Variants in PRDM6 observed in about 807,000 individuals in gnomAD.
The protein encoded by PRDM6 is PR/SET domain 6, also known as putative histone-lysine N-methyltransferase PRDM6.
PRDM6 carries 25 observed loss-of-function variants against 60.8 expected under a neutral mutation model. The observed-to-expected ratio is 0.41, with a 90% CI of 0.30 to 0.57. The LOEUF (loss-of-function observed/expected upper bound fraction) is 0.57. PRDM6 is among the 20% of genes least tolerant of loss of function. The pLI is 0.27. For synonymous variants in PRDM6, 407 were observed against 357.4 expected (o/e 1.14, Z -1.57); for missense variants, 839 against 821.3 (o/e 1.02, Z -0.26).
chr5:123,094,934 C>T (rs186521531), intron 2 of PRDM6, among the ~76,000 whole-genome samples: 1 of 152,354 alleles, frequency 6.6e-6, no homozygotes, highest in African/African-American at 2.4e-5. Flanking sequence ...CTTTTTGTCT[C>T]TCCCTCTTGG....
chr5:123,141,430 T>C (rs1444326268), intron 3 of PRDM6, among the ~76,000 whole-genome samples: 1 of 152,050 alleles, frequency 6.6e-6, no homozygotes, highest in Non-Finnish European at 1.5e-5. Flanking sequence ...ATCACTGAGC[T>C]ACAGAAAAAA....
chr5:123,157,105 AC>A (rs1765520459), intron 4 of PRDM6, among the ~76,000 whole-genome samples: 1 of 146,012 alleles, frequency 6.8e-6, no homozygotes, highest in African/African-American at 2.6e-5. Flanking sequence ...TTTCTTTTTA[AC>A]TTTCTTCCCC....
chr5:123,112,228 TG>T lies in PRDM6; in HGVS notation c.900+12268del, dbSNP rs750882377. ...GGCCTGGGTTCTAGCTCTCACTGGG[TG>T]TGAGCTATGTGACCACCTGCAGCAC... On this transcript the variant is annotated intron_variant, in intron 3 of 7. Coordinates refer to ENST00000407847, the MANE Select transcript of PRDM6 (RefSeq NM_001136239.4). Among the ~76,000 whole-genome samples the T allele has an allele frequency of 2.3e-4, 35 of 152,102 alleles. No homozygotes were observed. In the Middle Eastern group the frequency reaches 0.014, roughly 59 times the overall value.
intron 7 of PRDM6, 36 bp downstream of exon 7, chr5:123,180,359 T>C (rs1158931936): frequency 6.6e-7 from 1 of 1,516,074 alleles, no homozygotes; most frequent in Admixed American, 2.0e-5. Context: ...TCTCTTTCTC[T>C]TAGCCTTTCC....
At chr5:123,120,347 T>G (rs956191780) in intron 3 of PRDM6, among the ~76,000 whole-genome samples, 4 of 152,212 alleles carry the variant, frequency 2.6e-5, no homozygotes, top group African/African-American at 9.6e-5. Flanking sequence ...TGTTTGGTTG[T>G]TGAGTGGAAA....
chr5:123,136,927 C>T (rs568633674), intron 3 of PRDM6, among the ~76,000 whole-genome samples: 1 of 152,192 alleles, frequency 6.6e-6, no homozygotes, highest in Non-Finnish European at 1.5e-5. Context: ...TGGCAACAAC[C>T]CACACTCTGC....
chr5:123,148,194 A>G (rs1276276911), intron 3 of PRDM6, among the ~76,000 whole-genome samples: 1 of 152,226 alleles, frequency 6.6e-6, no homozygotes, highest in East Asian at 1.9e-4. Flanking sequence ...ATGATTTTCT[A>G]ATATTTCTGG....
At chr5:123,132,937 T>C (rs1325281818) in intron 3 of PRDM6, among the ~76,000 whole-genome samples, 1 of 152,156 alleles carries the variant, frequency 6.6e-6, no homozygotes, top group Non-Finnish European at 1.5e-5. Flanking sequence ...CTTTAACAAA[T>C]ATTATCATGA....
chr5:123,095,164 G>T (rs1165111691), intron 2 of PRDM6, among the ~76,000 whole-genome samples: 1 of 152,236 alleles, frequency 6.6e-6, no homozygotes, highest in Non-Finnish European at 1.5e-5. Flanking sequence ...CCCGGGGCTT[G>T]GAAGACCCCT....
intron 2 of PRDM6, among the ~76,000 whole-genome samples, chr5:123,096,895 G>A (rs1561799446): frequency 6.6e-6 from 1 of 152,170 alleles, no homozygotes; most frequent in Non-Finnish European, 1.5e-5. Flanking sequence ...GTAGTGGCTG[G>A]AGTTGGTACC....
At position 123,090,526 on chromosome 5, in the gene PRDM6, A is replaced by C; in HGVS notation, c.512A>C (p.Glu171Ala). Residue 171 changes from glutamate to alanine, a missense_variant, in exon 2 of 8, where the codon GAG (glutamate) becomes GCG (alanine). Coordinates refer to ENST00000407847, the MANE Select transcript of PRDM6 (RefSeq NM_001136239.4). ...GCCCCGCGCTTCCGCTGCAGCGCAGAGGAGCTGGACTATTACCTGTATGGC... is the reference window on the plus strand; with the variant it reads ...GCCCCGCGCTTCCGCTGCAGCGCAGCGGAGCTGGACTATTACCTGTATGGC... ...RGAPRFRCSA[E>A]ELDYYLYGQQ... is the part of the protein sequence containing the mutation. 6.6e-7 allele frequency: 1 copy of C among 1,505,550 alleles called. No individual in the cohort carries two copies. The allele number at this position is 1,505,550 out of a possible 1,614,324, so 93.3% of individuals were successfully genotyped here. A position where few individuals can be genotyped will look rare whatever the true frequency, so the allele number is the denominator to read the frequency against.
At chr5:123,151,079 G>T (rs191498956) in intron 3 of PRDM6, among the ~76,000 whole-genome samples, 1 of 152,198 alleles carries the variant, frequency 6.6e-6, no homozygotes, top group Admixed American at 6.5e-5. Context: ...GCATGCATTG[G>T]GTTCCTTCTA....
rs773815834 is a variant in PRDM6, at chr5:123,189,653, ATATT to A, written c.*2453_*2456del. ...TTATTAAGAGAAATTGTTGGCATAT[ATATT>A]CCACCAAATTTGGTCAGAAAATATT... On this transcript the variant is annotated 3_prime_UTR_variant, in exon 8 of 8. Transcript: ENST00000407847. 6 of 152,218 alleles carry A rather than the reference ATATT, an allele frequency of 3.9e-5. No individual in the cohort carries two copies. The highest frequency in any genetic ancestry group is 5.9e-5 in the Non-Finnish European group (4 of 68,032). 9.4% of individuals were successfully genotyped at this position (152,218 alleles called of 1,614,324 possible).
chr5:123,169,063 A>C (rs1327999152), intron 5 of PRDM6, among the ~76,000 whole-genome samples: 1 of 152,256 alleles, frequency 6.6e-6, no homozygotes, highest in Non-Finnish European at 1.5e-5. Flanking sequence ...ACTGGTGGCC[A>C]GTGGCCATAG....
rs748939514 is a variant in PRDM6, at chr5:123,114,007, A to T, written c.900+14046A>T. 2.0e-5 allele frequency among the ~76,000 whole-genome samples: 3 copies of T among 152,232 alleles called. 1 individual carries two copies. Among genetic ancestry groups the T allele is most frequent in the Non-Finnish European group, 4.4e-5 (3 of 68,044 alleles). On this transcript the variant is annotated intron_variant, in intron 3 of 7. Coordinates refer to ENST00000407847, the MANE Select transcript of PRDM6 (RefSeq NM_001136239.4). ...CAACTCTGGCTTTCAAAGATAGTAA[A>T]GTAGTAGAGGATCATGAGTAACTCC... is the stretch of plus-strand genomic sequence containing the variant.
At chr5:123,156,131 CA>C (rs892102437) in intron 4 of PRDM6, 120 bp downstream of exon 4, 3 of 966,810 alleles carry the variant, frequency 3.1e-6, no homozygotes, top group Non-Finnish European at 2.9e-6. Context: ...GACTGGCAGA[CA>C]TTTTTTTTTT....
rs947200416 is a variant in PRDM6 at position 123,089,659 on chromosome 5, C to A, written c.-16+140C>A. The A allele has an allele frequency of 1.7e-4, 42 of 248,304 alleles. No homozygotes were observed. In the Admixed American group the frequency reaches 2.4e-3, roughly 14 times the overall value. The allele number at this position is 248,304 out of a possible 1,614,324, so 15.4% of individuals were successfully genotyped here. ...AACGCGGCTCGGGCGCTGCGCCACG[C>A]CGGCTCGGGTCGGCTCCGGGCGCTG... On this transcript the variant is annotated intron_variant, in intron 1 of 7. Coordinates refer to ENST00000407847, the MANE Select transcript of PRDM6 (RefSeq NM_001136239.4).
chr5:123,137,417 A>G (rs1388727912), intron 3 of PRDM6, among the ~76,000 whole-genome samples: 2 of 152,322 alleles, frequency 1.3e-5, no homozygotes, highest in East Asian at 3.9e-4. Flanking sequence ...CCTCTAGCAC[A>G]CATTGCTAGG....
intron 2 of PRDM6, among the ~76,000 whole-genome samples, chr5:123,091,294 C>G (rs1431339631): frequency 2.0e-5 from 3 of 152,158 alleles, no homozygotes; most frequent in Non-Finnish European, 4.4e-5. Context: ...TTCTGTTCTC[C>G]TCCGATTCCG....
Sources: gnomAD v4.1 joint callset for allele counts (sites outside exome capture counted in the v4.1 genomes callset) on GRCh38, gnomAD v4.1.1 for gene constraint, MANE v1.5 for transcripts, NCBI Gene and HGNC (gene_info 2026-07-23, HGNC 2026-07-21) for gene names.